Variants in RNF10 observed in about 807,000 individuals in gnomAD.
RNF10 encodes the protein ring finger protein 10.
In RNF10, 38 loss-of-function variants were observed where a neutral mutation model predicts 91.4. The ratio of observed to expected loss-of-function variants is 0.42; its 90% CI spans 0.32 to 0.54. RNF10 has a LOEUF of 0.54. RNF10 is among the 20% of genes least tolerant of loss of function. The pLI, the probability that RNF10 is intolerant of heterozygous loss-of-function variation, is 0.16. For synonymous variants in RNF10, 364 were observed against 366.3 expected (o/e 0.99, Z 0.07); for missense variants, 945 against 1,012.0 (o/e 0.93, Z 0.90).
Position 120,571,199 on chromosome 12 carries a change from C to T in RNF10, c.2050C>T (p.Leu684=), listed in dbSNP as rs1876571451. 6.2e-7 allele frequency: 1 copy of T among 1,613,062 alleles called. No individual in the cohort carries two copies. The change falls in exon 14 of 17, where the codon CTG becomes TTG. Residue 684 remains leucine, a synonymous_variant. Transcript: ENST00000325954. Reference sequence around the variant, plus strand: ...CTCTGGTTCCCTTTCAGACTTTCTGCTGACCCCTCTGTCACCCACTGCCAG... The same window carrying T: ...CTCTGGTTCCCTTTCAGACTTTCTGTTGACCCCTCTGTCACCCACTGCCAG... ...RSPGSHADFL[L]TPLSPTASQG...
At chr12:120,547,173 G>T (rs1318261119) in intron 2 of RNF10, among the ~76,000 whole-genome samples, 1 of 152,176 alleles carries the variant, frequency 6.6e-6, no homozygotes, top group Admixed American at 6.6e-5. Context: ...AATATAGACT[G>T]AGGGAAGTAA....
chr12:120,548,831 G>A (rs1872664241), intron 2 of RNF10, among the ~76,000 whole-genome samples: 2 of 151,818 alleles, frequency 1.3e-5, no homozygotes, highest in Admixed American at 1.3e-4. Context: ...ACCACGCCCG[G>A]CTAATTTTTT....
chr12:120,572,807 G>A (rs765903787), intron 14 of RNF10, among the ~76,000 whole-genome samples: 9 of 151,392 alleles, frequency 5.9e-5, no homozygotes, highest in Middle Eastern at 6.9e-3. Context: ...TACCATGTTG[G>A]CCAGGCTGGT....
Position 120,577,381 on chromosome 12 carries a change from C to T in RNF10, c.*715C>T, listed in dbSNP as rs1877530831. 1 of 341,344 alleles carries T rather than the reference C, an allele frequency of 2.9e-6. No individual in the cohort carries two copies. The highest frequency in any genetic ancestry group is 5.7e-6 in the Non-Finnish European group (1 of 176,578). The allele number at this position is 341,344 out of a possible 1,614,324, so 21.1% of individuals were successfully genotyped here. The stretch of plus-strand genomic sequence containing the variant: ...CTTGTTTTCAGTGACTGGCTTGAGT[C>T]ATAGGAGGAGGAGTCTGGTACAGCT... On this transcript the variant is annotated 3_prime_UTR_variant, in exon 17 of 17. Transcript: ENST00000325954.
intron 1 of RNF10, among the ~76,000 whole-genome samples, chr12:120,539,646 C>G (rs1871282347): frequency 6.6e-6 from 1 of 152,118 alleles, no homozygotes; most frequent in Non-Finnish European, 1.5e-5. Flanking sequence ...TGAGATATAC[C>G]TACTGCTACT....
chr12:120,537,593 A>C (rs929784873), intron 1 of RNF10, among the ~76,000 whole-genome samples: 16 of 151,990 alleles, frequency 1.1e-4, no homozygotes, highest in African/African-American at 3.9e-4. Flanking sequence ...GCACCATTGC[A>C]CTCCAGCCCG....
intron 7 of RNF10, 78 bp downstream of exon 7, chr12:120,560,964 T>C: frequency 2.1e-6 from 3 of 1,441,852 alleles, no homozygotes; most frequent in South Asian, 1.3e-5. Flanking sequence ...TGCTAAACCT[T>C]TTCACTCTGT....
chr12:120,563,239 C>A, intron 8 of RNF10, 108 bp from the exon 9 acceptor site: 1 of 1,478,274 alleles, frequency 6.8e-7, no homozygotes. Context: ...GTGAACACGA[C>A]AGCTAAGATA....
intron 13 of RNF10, among the ~76,000 whole-genome samples, chr12:120,567,487 G>A (rs1035968038): frequency 1.3e-5 from 2 of 151,846 alleles, no homozygotes; most frequent in East Asian, 3.9e-4. Context: ...TGGATCACGA[G>A]GTCAGGAATT....
intron 6 of RNF10, 107 bp downstream of exon 6, chr12:120,557,789 C>G: frequency 8.2e-7 from 1 of 1,225,638 alleles, no homozygotes; most frequent in Non-Finnish European, 1.2e-6. Flanking sequence ...GCACATCTGG[C>G]ATGTTCATAT....
intron 1 of RNF10, among the ~76,000 whole-genome samples, chr12:120,542,335 G>A (rs1010368839): frequency 6.6e-6 from 1 of 152,030 alleles, no homozygotes; most frequent in Non-Finnish European, 1.5e-5. Flanking sequence ...TAAATTTTTT[G>A]TAGAGATGGG....
At chr12:120,576,098 C>T in intron 16 of RNF10, 148 bp downstream of exon 16, 1 of 821,344 alleles carries the variant, frequency 1.2e-6, no homozygotes, top group Non-Finnish European at 1.9e-6. Flanking sequence ...AAATAATACT[C>T]CATTTGGTAT....
chr12:120,563,107 T>C, intron 8 of RNF10, 37 bp downstream of exon 8: 1 of 1,613,464 alleles, frequency 6.2e-7, no homozygotes, highest in Non-Finnish European at 8.5e-7. Flanking sequence ...CTGCCGTTCC[T>C]CAAATGCTGT....
At chr12:120,558,473 A>G (rs887938082) in intron 6 of RNF10, among the ~76,000 whole-genome samples, 1 of 151,468 alleles carries the variant, frequency 6.6e-6, no homozygotes, top group Non-Finnish European at 1.5e-5. Context: ...ATCCTCAGAT[A>G]TGGGTGGATT....
In RNF10 at chr12:120,577,110, A is replaced by G. The variant is rs1877495993; in HGVS notation, c.*444A>G. The stretch of plus-strand genomic sequence containing the variant: ...TTTAAAAAACAGCTGAATCTTTACT[A>G]CCTATTTAGTTCTCCTTGTTAAAGA... On this transcript the variant is annotated 3_prime_UTR_variant, in exon 17 of 17. Coordinates refer to ENST00000325954, the MANE Select transcript of RNF10 (RefSeq NM_014868.5). 2.3e-6 allele frequency: 1 copy of G among 438,360 alleles called. No individual in the cohort carries two copies. Among genetic ancestry groups the G allele is most frequent in the Admixed American group, 2.6e-5 (1 of 37,792 alleles). The allele number at this position is 438,360 out of a possible 1,614,324, so 27.2% of individuals were successfully genotyped here. A position where few individuals can be genotyped will look rare whatever the true frequency, so the allele number is the denominator to read the frequency against.
rs1293954862 is a variant in RNF10 at position 120,576,700 on chromosome 12, TTTTG to T, written c.*38_*41del. On this transcript the variant is annotated 3_prime_UTR_variant, in exon 17 of 17. Transcript: ENST00000325954. Reference sequence around the variant, plus strand: ...GCCCAGGCTACCTTCTCCATCTGGTTTTTGTTTTTGTTTTTTTTTCCCCCATGCT... The same window carrying T: ...GCCCAGGCTACCTTCTCCATCTGGTTTTTTTGTTTTTTTTTCCCCCATGCT... 3.1e-6 allele frequency: 5 copies of T among 1,588,718 alleles called. No individual in the cohort carries two copies. The highest frequency in any genetic ancestry group is 2.2e-5 in the East Asian group (1 of 44,708).
intron 2 of RNF10, among the ~76,000 whole-genome samples, chr12:120,548,910 TC>T (rs1489243030): frequency 6.6e-6 from 1 of 152,096 alleles, no homozygotes; most frequent in African/African-American, 2.4e-5. Flanking sequence ...GACCTTGTGA[TC>T]CGCCCGCTTC....
At position 120,557,546 on chromosome 12, in the gene RNF10, T is replaced by C; in HGVS notation, c.831T>C (p.Ser277=). Residue 277 remains serine (S), a splice_region_variant and synonymous_variant, in exon 6 of 17, where the codon AGT becomes AGC. Transcript: ENST00000325954. ...YSSVHKKDLK[S]VVATESHQYV... Reference sequence around the variant, plus strand: ...CTACATATGAGTGTCCATGTTTCAGTGTTGTTGCCACAGAGTCACATCAGT... The same window carrying C: ...CTACATATGAGTGTCCATGTTTCAGCGTTGTTGCCACAGAGTCACATCAGT... 6.2e-7 allele frequency: 1 copy of C among 1,614,220 alleles called. No homozygotes were observed. Among genetic ancestry groups the C allele is most frequent in the Non-Finnish European group, 8.5e-7 (1 of 1,180,036 alleles).
At chr12:120,536,416 C>A (rs951271592) in intron 1 of RNF10, among the ~76,000 whole-genome samples, 4 of 151,994 alleles carry the variant, frequency 2.6e-5, no homozygotes, top group African/African-American at 9.7e-5. Flanking sequence ...TAACAGAGAC[C>A]CCCATCTCTA....
Sources: gnomAD v4.1 joint callset for allele counts (sites outside exome capture counted in the v4.1 genomes callset) on GRCh38, gnomAD v4.1.1 for gene constraint, MANE v1.5 for transcripts, NCBI Gene and HGNC (gene_info 2026-07-23, HGNC 2026-07-21) for gene names.